Variants in JADE1 observed in about 807,000 individuals in gnomAD.
The protein encoded by JADE1 is protein Jade-1.
JADE1 carries 14 observed loss-of-function variants against 81.8 expected under a neutral mutation model. That is an observed-to-expected ratio of 0.17 (90% CI 0.11 to 0.27). JADE1 has a LOEUF of 0.27. Ranked by LOEUF, JADE1 falls within the 10% of genes least tolerant of loss-of-function variation. The probability of loss-of-function intolerance (pLI) is 1.00; values close to 1 mark genes in which losing one functional copy is unlikely to be tolerated. For synonymous variants in JADE1, 353 were observed against 391.9 expected, an observed-to-expected ratio of 0.90 and a Z score of 1.17; for missense variants, 690 against 1,047.9, an observed-to-expected ratio of 0.66 and a Z score of 4.71.
intron 1 of JADE1, among the ~76,000 whole-genome samples, chr4:128,818,004 T>G (rs946568777): frequency 6.6e-6 from 1 of 152,204 alleles, no homozygotes; most frequent in African/African-American, 2.4e-5. Context: ...GTACACTGGC[T>G]CCAAGTAGGA....
chr4:128,849,033 T>C lies in JADE1; in HGVS notation c.350T>C (p.Val117Ala). 6.2e-7 allele frequency: 1 copy of C among 1,614,130 alleles called. No homozygotes were observed. The highest frequency in any genetic ancestry group is 1.7e-5 in the Admixed American group (1 of 60,014). Residue 117 changes from valine (V) to alanine (A), a missense_variant, in exon 5 of 11, where the codon GTG becomes GCG. Physicochemically the swap from Val to Ala is moderately conservative, Grantham distance 64 (BLOSUM62 0). Coordinates refer to ENST00000226319, the MANE Select transcript of JADE1 (RefSeq NM_199320.4). ...TTCATCAGGCCCAAGAAGTACATCG[T>C]GTCATCAGGCTCTGAGCCTCCCGAG... Reference protein sequence around the residue: ...LMFIRPKKYIVSSGSEPPELG... With the variant: ...LMFIRPKKYIASSGSEPPELG...
intron 3 of JADE1, among the ~76,000 whole-genome samples, chr4:128,845,491 C>G (rs758608634): frequency 2.0e-5 from 3 of 152,140 alleles, no homozygotes. Flanking sequence ...GCCCATCAAC[C>G]CAGTGGCCTG....
chr4:128,855,562 A>G, intron 6 of JADE1, 68 bp from the exon 7 acceptor site: 1 of 1,405,434 alleles, frequency 7.1e-7, no homozygotes, highest in Non-Finnish European at 9.6e-7. Flanking sequence ...TAAAATGAAT[A>G]GATATAATGG....
At chr4:128,865,145 G>A (rs1265203242) in intron 9 of JADE1, among the ~76,000 whole-genome samples, 1 of 152,214 alleles carries the variant, frequency 6.6e-6, no homozygotes, top group South Asian at 2.1e-4. Context: ...TGAAAATCTG[G>A]TAGTGGCTAC....
At chr4:128,858,743 C>T (rs1448505187) in intron 8 of JADE1, among the ~76,000 whole-genome samples, 1 of 151,880 alleles carries the variant, frequency 6.6e-6, no homozygotes, top group Non-Finnish European at 1.5e-5. Flanking sequence ...GCTAGGATTA[C>T]AGGCGCGCAC....
At chr4:128,858,104 T>TGAGA (rs372685563) in intron 8 of JADE1, among the ~76,000 whole-genome samples, 2,024 of 152,244 alleles carry the variant, frequency 0.013, 39 homozygotes, top group African/African-American at 0.042. Flanking sequence ...TGTGTGTGTG[T>TGAGA]GAGCGTGAGC....
rs1348051663 is a variant in JADE1 at position 128,814,072 on chromosome 4, C to G, written c.-27+4195C>G. Among the ~76,000 whole-genome samples, 7 of 150,984 alleles carry G rather than the reference C, an allele frequency of 4.6e-5. No homozygotes were observed. In the East Asian group the frequency reaches 1.2e-3, roughly 25 times the overall value. On this transcript the variant is annotated intron_variant, in intron 1 of 10. Coordinates refer to ENST00000226319, the MANE Select transcript of JADE1 (RefSeq NM_199320.4). ...AAAAAAAAAACCCACCTTCTTAGTT[C>G]TCCCCGCTTCACTTGACTGGTTTTC...
At chr4:128,848,936 T>G in intron 4 of JADE1, 44 bp from the exon 5 acceptor site, 1 of 1,599,372 alleles carries the variant, frequency 6.3e-7, no homozygotes, top group African/African-American at 1.3e-5. Context: ...TCATTGTCTG[T>G]GGCTGAAAGG....
Position 128,872,465 on chromosome 4 carries a change from A to G in JADE1, c.*203A>G. 2 of 568,646 alleles carry G rather than the reference A, an allele frequency of 3.5e-6. No individual in the cohort carries two copies. Among genetic ancestry groups the G allele is most frequent in the South Asian group, 2.4e-5 (1 of 42,420 alleles). 35.2% of individuals were successfully genotyped at this position (568,646 alleles called of 1,614,324 possible). Reference sequence around the variant, plus strand: ...GTTATTTGCAACTTGTTGAGGAAACAGAAGAGTAGATTGTAACCATAAGAC... The same window carrying G: ...GTTATTTGCAACTTGTTGAGGAAACGGAAGAGTAGATTGTAACCATAAGAC... On this transcript the variant is annotated 3_prime_UTR_variant, in exon 11 of 11. Coordinates refer to ENST00000226319, the MANE Select transcript of JADE1 (RefSeq NM_199320.4).
At chr4:128,837,546 T>C (rs927475404) in intron 2 of JADE1, among the ~76,000 whole-genome samples, 2 of 152,218 alleles carry the variant, frequency 1.3e-5, no homozygotes, top group Non-Finnish European at 2.9e-5. Flanking sequence ...TATCAGATGC[T>C]TGTCTTCTGT....
intron 1 of JADE1, among the ~76,000 whole-genome samples, chr4:128,817,763 A>G (rs1310318764): frequency 6.6e-6 from 1 of 152,210 alleles, no homozygotes; most frequent in South Asian, 2.1e-4. Flanking sequence ...ACTGAAACCC[A>G]TGGAAGCTCT....
chr4:128,861,601 C>A, intron 8 of JADE1, 103 bp from the exon 9 acceptor site: 1 of 1,268,976 alleles, frequency 7.9e-7, no homozygotes, highest in Non-Finnish European at 1.1e-6. Flanking sequence ...TGAAGCATGG[C>A]TCTTCTCTGT....
chr4:128,812,515 C>T (rs759510070), intron 1 of JADE1, among the ~76,000 whole-genome samples: 1 of 152,060 alleles, frequency 6.6e-6, no homozygotes, highest in Non-Finnish European at 1.5e-5. Context: ...ACTAGAGCTC[C>T]TTATTCTCGA....
At chr4:128,841,717 T>A (rs1186896566) in intron 2 of JADE1, among the ~76,000 whole-genome samples, 1 of 152,100 alleles carries the variant, frequency 6.6e-6, no homozygotes, top group African/African-American at 2.4e-5. Flanking sequence ...TTCCTCTGGG[T>A]GTGCTGGGTA....
chr4:128,867,967 G>A lies in JADE1; in HGVS notation c.1615G>A (p.Val539Ile). The change falls in exon 10 of 11, where the codon GTT becomes ATT. Residue 539 changes from valine to isoleucine, a missense_variant. Physicochemically the swap from Val to Ile is conservative, Grantham distance 29. Coordinates refer to ENST00000226319, the MANE Select transcript of JADE1 (RefSeq NM_199320.4). ...CACTAAGCTTTTGGAGCAAGAAAGA[G>A]TTTCAGGTATGCATTAAGCCCTGGT... is the stretch of plus-strand genomic sequence containing the variant. ...LYTKLLEQER[V>I]SGVPSSCSSS... 1.9e-6 allele frequency: 3 copies of A among 1,598,448 alleles called. No homozygotes were observed. The highest frequency in any genetic ancestry group is 2.6e-6 in the Non-Finnish European group (3 of 1,165,872).
At chr4:128,825,669 CTG>C (rs1727998476) in intron 1 of JADE1, among the ~76,000 whole-genome samples, 2 of 152,242 alleles carry the variant, frequency 1.3e-5, no homozygotes, top group South Asian at 2.1e-4. Context: ...TCCAGGTAGA[CTG>C]TGTGCTCCTG....
At chr4:128,858,748 G>A (rs143965773) in intron 8 of JADE1, among the ~76,000 whole-genome samples, 57 of 151,860 alleles carry the variant, frequency 3.8e-4, no homozygotes, top group South Asian at 2.1e-3. Flanking sequence ...GATTACAGGC[G>A]CGCACCAGCA....
rs187175945 is a variant in JADE1, at chr4:128,863,071, G to A, written c.1503+846G>A. 62 of 985,530 alleles carry A rather than the reference G, an allele frequency of 6.3e-5. No homozygotes were observed. The African/African-American group carries it at 8.0e-4, about 13-fold the overall frequency. The allele number at this position is 985,530 out of a possible 1,614,324, so 61.0% of individuals were successfully genotyped here. A position where few individuals can be genotyped will look rare whatever the true frequency, so the allele number is the denominator to read the frequency against. On this transcript the variant is annotated intron_variant, in intron 9 of 10. Transcript: ENST00000226319. ...TGTCACACTGAGATTGCTGAATGTCGTGGCTGTTGGCTGCCGAGCCTCAGC... is the reference window on the plus strand; with the variant it reads ...TGTCACACTGAGATTGCTGAATGTCATGGCTGTTGGCTGCCGAGCCTCAGC...
chr4:128,860,651 G>C (rs1271956722), intron 8 of JADE1, among the ~76,000 whole-genome samples: 3 of 152,196 alleles, frequency 2.0e-5, no homozygotes, highest in African/African-American at 7.2e-5. Flanking sequence ...CTAGGGATTT[G>C]CTCAGCAAGA....
Sources: gnomAD v4.1 joint callset for allele counts (sites outside exome capture counted in the v4.1 genomes callset) on GRCh38, gnomAD v4.1.1 for gene constraint, MANE v1.5 for transcripts, NCBI Gene and HGNC (gene_info 2026-07-23, HGNC 2026-07-21) for gene names.